The following LTBP1 variants were observed in gnomAD, a reference collection of about 807,000 sequenced individuals.
LTBP1 encodes the protein latent-transforming growth factor beta-binding protein 1.
In LTBP1, 129 loss-of-function variants were observed where a neutral mutation model predicts 207.6. The ratio of observed to expected loss-of-function variants is 0.62; its 90% CI spans 0.54 to 0.72. LTBP1 has a LOEUF of 0.72. LTBP1 is among the 30% of genes least tolerant of loss of function. LTBP1 has a pLI of 0.00. For synonymous variants in LTBP1, 963 were observed against 833.7 expected (o/e 1.16, Z -2.67); for missense variants, 2,281 against 2,217.2 (o/e 1.03, Z -0.58).
At chr2:33,358,465 T>C (rs2094890554) in intron 26 of LTBP1, among the ~76,000 whole-genome samples, 1 of 151,664 alleles carries the variant, frequency 6.6e-6, no homozygotes, top group Non-Finnish European at 1.5e-5. Flanking sequence ...TTTATATATA[T>C]TTATAATTTT....
chr2:33,324,913 G>T (rs1180137665), intron 24 of LTBP1, among the ~76,000 whole-genome samples: 1 of 152,046 alleles, frequency 6.6e-6, no homozygotes, highest in Admixed American at 6.5e-5. Flanking sequence ...CACTCTGTTA[G>T]CCGGGATGGT....
At chr2:33,025,380 T>C (rs969383640) in intron 3 of LTBP1, among the ~76,000 whole-genome samples, 7 of 152,170 alleles carry the variant, frequency 4.6e-5, no homozygotes, top group Admixed American at 6.5e-5. Context: ...GCTCTAAAGG[T>C]TGCTTGAAAA....
rs1011540345 is a variant in LTBP1, at chr2:32,958,821, C to T, written c.565+9876C>T. Among the ~76,000 whole-genome samples, 6 of 152,186 alleles carry T rather than the reference C, an allele frequency of 3.9e-5. 1 individual carries two copies. In the South Asian group the frequency reaches 1.0e-3, roughly 26 times the overall value. ...GATTGTGACAGCTTTTTCAAGGGCA[C>T]AACACCTTACTCTGTTTCCTCCTGC... On this transcript the variant is annotated intron_variant, in intron 2 of 33. Transcript: ENST00000404816.
In LTBP1 at chr2:33,093,878, T is replaced by C. The variant is rs115081617; in HGVS notation, c.864-16704T>C. Among the ~76,000 whole-genome samples the C allele has an allele frequency of 8.2e-3, 1,251 of 152,236 alleles. 6 individuals carry two copies. Among genetic ancestry groups the C allele is most frequent in the Non-Finnish European group, 0.015 (986 of 67,996 alleles). On this transcript the variant is annotated intron_variant, in intron 3 of 33. Coordinates refer to ENST00000404816, the MANE Select transcript of LTBP1 (RefSeq NM_206943.4). ...TTCATAAGAAATCTCATGATAGCAA[T>C]ATATTTTAGAAATGTGGACATAACT...
Position 32,947,328 on chromosome 2 carries a change from G to A in LTBP1, c.4G>A (p.Ala2Thr). 1 of 1,238,370 alleles carries A rather than the reference G, an allele frequency of 8.1e-7. No individual in the cohort carries two copies. The highest frequency in any genetic ancestry group is 1.0e-6 in the Non-Finnish European group (1 of 991,058). The allele number at this position is 1,238,370 out of a possible 1,614,324, so 76.7% of individuals were successfully genotyped here. A position where few individuals can be genotyped will look rare whatever the true frequency, so the allele number is the denominator to read the frequency against. The change falls in exon 1 of 34, where the codon GCG (alanine) becomes ACG (threonine). Residue 2 changes from alanine to threonine, a missense_variant. Physicochemically the swap from Ala to Thr is moderately conservative, Grantham distance 58. Coordinates refer to ENST00000404816, the MANE Select transcript of LTBP1 (RefSeq NM_206943.4). M[A>T]GAWLRWGLLL... ...GTCGCGCCCGCTGGGGCCCGCGATGGCGGGGGCCTGGCTCAGGTGGGGGCT... is the reference window on the plus strand; with the variant it reads ...GTCGCGCCCGCTGGGGCCCGCGATGACGGGGGCCTGGCTCAGGTGGGGGCT...
At chr2:33,393,722 T>C (rs977069939) in intron 32 of LTBP1, among the ~76,000 whole-genome samples, 1 of 152,220 alleles carries the variant, frequency 6.6e-6, no homozygotes, top group African/African-American at 2.4e-5. Flanking sequence ...TCCAAGTCTT[T>C]GCTATTGTGA....
intron 31 of LTBP1, among the ~76,000 whole-genome samples, chr2:33,384,871 G>T (rs1023659575): frequency 6.6e-6 from 1 of 152,074 alleles, no homozygotes. Context: ...GTGGCTTGGG[G>T]TGCCCAGAGG....
chr2:33,171,969 TCACC>T (rs2085501415), intron 5 of LTBP1, among the ~76,000 whole-genome samples: 1 of 152,140 alleles, frequency 6.6e-6, no homozygotes, highest in Non-Finnish European at 1.5e-5. Flanking sequence ...AGAGATTTTG[TCACC>T]ACCAGGCCTG....
At chr2:33,218,935 CT>C (rs2090906940) in intron 8 of LTBP1, among the ~76,000 whole-genome samples, 1 of 152,022 alleles carries the variant, frequency 6.6e-6, no homozygotes, top group South Asian at 2.1e-4. Context: ...TCTCAAATGC[CT>C]TTTAAACCTC....
chr2:32,950,147 C>G (rs1159276183), intron 2 of LTBP1, among the ~76,000 whole-genome samples: 1 of 152,180 alleles, frequency 6.6e-6, no homozygotes, highest in Non-Finnish European at 1.5e-5. Context: ...TGTCCCCTCT[C>G]CCCTCAGTAA....
chr2:33,224,262 T>G (rs748636003), intron 9 of LTBP1, among the ~76,000 whole-genome samples: 1 of 152,230 alleles, frequency 6.6e-6, no homozygotes, highest in African/African-American at 2.4e-5. Context: ...AAAGGCTTTC[T>G]TGTAGTTGTT....
At chr2:32,989,056 G>A (rs1684023990) in intron 2 of LTBP1, among the ~76,000 whole-genome samples, 1 of 152,128 alleles carries the variant, frequency 6.6e-6, no homozygotes, top group Non-Finnish European at 1.5e-5. Flanking sequence ...CAGAAAGGTG[G>A]TGTTTGGCCT....
intron 2 of LTBP1, among the ~76,000 whole-genome samples, chr2:33,013,099 G>T (rs36112198): frequency 5.3e-5 from 8 of 152,066 alleles, no homozygotes; most frequent in Admixed American, 5.2e-4. Context: ...CTACATATAT[G>T]TATGCCCAGT....
At chr2:33,287,119 ACAACTTTTG>A (rs1423081696) in intron 19 of LTBP1, among the ~76,000 whole-genome samples, 1 of 151,824 alleles carries the variant, frequency 6.6e-6, no homozygotes, top group East Asian at 1.9e-4. Flanking sequence ...AACAACAACA[ACAACTTTTG>A]AAAGCAGGCA....
At chr2:33,354,478 T>TA (rs909243263) in intron 26 of LTBP1, among the ~76,000 whole-genome samples, 45 of 150,228 alleles carry the variant, frequency 3.0e-4, no homozygotes, top group Non-Finnish European at 5.2e-4. Context: ...TTCATTTGTT[T>TA]AAAAAAAAAA....
chr2:33,125,390 T>TG (rs2081368210), intron 4 of LTBP1, among the ~76,000 whole-genome samples: 2 of 152,220 alleles, frequency 1.3e-5, no homozygotes, highest in Non-Finnish European at 2.9e-5. Flanking sequence ...CTCTCGAGTC[T>TG]GCCATTCATG....
intron 3 of LTBP1, among the ~76,000 whole-genome samples, chr2:33,064,216 C>T (rs1374222567): frequency 6.6e-6 from 1 of 152,192 alleles, no homozygotes; most frequent in Non-Finnish European, 1.5e-5. Flanking sequence ...GAGTTTTCTG[C>T]TAATATATAG....
In LTBP1 at chr2:33,251,819, G is replaced by T. The variant is rs149470271; in HGVS notation, c.2000-858G>T. 3.0e-3 allele frequency among the ~76,000 whole-genome samples: 452 copies of T among 152,160 alleles called. 2 individuals carry two copies. The highest frequency in any genetic ancestry group is 0.01 in the African/African-American group (432 of 41,508). On this transcript the variant is annotated intron_variant, in intron 10 of 33. Coordinates refer to ENST00000404816, the MANE Select transcript of LTBP1 (RefSeq NM_206943.4). ...GACACCAAACTTATTCAGCACCTTT[G>T]GCCTGACCTGGACCTGGTTCTGTAG...
chr2:33,113,579 C>A (rs1421523529), intron 4 of LTBP1, among the ~76,000 whole-genome samples: 1 of 152,176 alleles, frequency 6.6e-6, no homozygotes, highest in Non-Finnish European at 1.5e-5. Flanking sequence ...AATTCACCAT[C>A]CCTGTCCAAT....
Sources: gnomAD v4.1 joint callset for allele counts (sites outside exome capture counted in the v4.1 genomes callset) on GRCh38, gnomAD v4.1.1 for gene constraint, MANE v1.5 for transcripts, NCBI Gene and HGNC (gene_info 2026-07-23, HGNC 2026-07-21) for gene names.